The following KIFC3 variants were observed in gnomAD, a reference collection of about 807,000 sequenced individuals.
The protein encoded by KIFC3 is kinesin-like protein KIFC3.
KIFC3 carries 60 observed loss-of-function variants against 101.8 expected under a neutral mutation model. That is an observed-to-expected ratio of 0.59 (90% CI 0.48 to 0.73). KIFC3 has a LOEUF of 0.73. KIFC3 is among the 30% of genes least tolerant of loss of function. KIFC3 has a pLI of 0.00. For synonymous variants in KIFC3, 476 were observed against 482.7 expected, an observed-to-expected ratio of 0.99 and a Z score of 0.18; for missense variants, 966 against 1,137.1, an observed-to-expected ratio of 0.85 and a Z score of 2.16.
At chr16:57,832,322 T>A (rs980257042) in intron 1 of KIFC3, among the ~76,000 whole-genome samples, 6 of 43,982 alleles carry the variant, frequency 1.4e-4, no homozygotes, top group Non-Finnish European at 2.2e-4. Flanking sequence ...CGCCAGGCCC[T>A]TTTTTTTTTT....
At chr16:57,827,825 C>G (rs79120348) in intron 1 of KIFC3, among the ~76,000 whole-genome samples, 3,361 of 152,310 alleles carry the variant, frequency 0.022, 134 homozygotes, top group African/African-American at 0.075. Flanking sequence ...AAGATGAAAG[C>G]TGATTTGTCA....
chr16:57,769,495 C>T lies in KIFC3; in HGVS notation c.1218+100G>A, dbSNP rs1052826998. On this transcript the variant is annotated intron_variant, in intron 9 of 19. Transcript: ENST00000445690. This position sits in a 1 kb window ranked among gnomAD's most constrained non-coding sequence, Gnocchi z 4.3. Reference sequence around the variant, plus strand: ...GGTGGGGCAGGGGCTGCTGTCTGAGCGGCTTTGTCTGAGCTTTGGAGGGAC... The same window carrying T: ...GGTGGGGCAGGGGCTGCTGTCTGAGTGGCTTTGTCTGAGCTTTGGAGGGAC... 2.3e-5 allele frequency: 34 copies of T among 1,451,034 alleles called. No individual in the cohort carries two copies. The highest frequency in any genetic ancestry group is 2.5e-4 in the Middle Eastern group (1 of 3,956). 89.9% of individuals were successfully genotyped at this position (1,451,034 alleles called of 1,614,324 possible).
upstream of KIFC3, chr16:57,803,379 T>C (rs1386676100): frequency 1.7e-6 from 1 of 586,668 alleles, no homozygotes; most frequent in East Asian, 3.8e-5. Flanking sequence ...TCTCCCTCAC[T>C]CTCCACACCC....
At chr16:57,803,941 G>A (rs2054868561), upstream of KIFC3, among the ~76,000 whole-genome samples, 1 of 152,186 alleles carries the variant, frequency 6.6e-6, no homozygotes, top group Admixed American at 6.5e-5. Flanking sequence ...CTAGAATTCT[G>A]ATTTAGTATC....
chr16:57,831,064 C>T (rs1470093313), intron 1 of KIFC3, among the ~76,000 whole-genome samples: 2 of 152,142 alleles, frequency 1.3e-5, no homozygotes, highest in Admixed American at 6.6e-5. Flanking sequence ...CACACTTGAG[C>T]CTTGCAAGTC....
At chr16:57,798,688 A>C in intron 1 of KIFC3, 3 of 253,830 alleles carry the variant, frequency 1.2e-5, no homozygotes, top group Non-Finnish European at 1.5e-5. Flanking sequence ...ACTTAACCAC[A>C]TGCTTAACCC....
At position 57,765,429 on chromosome 16, in the gene KIFC3, T is replaced by C. The variant is rs1555601771; in HGVS notation, c.1512+30A>G. The C allele has an allele frequency of 2.6e-6, 4 of 1,548,124 alleles. No individual in the cohort carries two copies. The African/African-American group carries it at 4.1e-5, about 16-fold the overall frequency. ...GTCCATCTTTCCCTCTCTCCCTTGC[T>C]TTCCCTTTCCCGCATGGGGCCACAC... is the stretch of plus-strand genomic sequence containing the variant. On this transcript the variant is annotated intron_variant, in intron 11 of 19. Transcript: ENST00000445690.
intron 1 of KIFC3, among the ~76,000 whole-genome samples, chr16:57,811,954 A>T (rs1293081472): frequency 1.3e-5 from 2 of 150,018 alleles, no homozygotes; most frequent in Non-Finnish European, 1.5e-5. Context: ...GAGGCCAGAG[A>T]ATCACTTGAG....
chr16:57,816,921 C>T (rs2055240059), intron 1 of KIFC3: 3 of 360,960 alleles, frequency 8.3e-6, no homozygotes. Flanking sequence ...AGAATGATAA[C>T]AATAATAATC....
At chr16:57,813,057 G>A (rs998324366) in intron 1 of KIFC3, among the ~76,000 whole-genome samples, 7 of 152,226 alleles carry the variant, frequency 4.6e-5, no homozygotes, top group African/African-American at 1.4e-4. Context: ...GCCAGGCACA[G>A]TGGCTCATAC....
intron 2 of KIFC3, among the ~76,000 whole-genome samples, chr16:57,795,899 T>TG (rs1568048222): frequency 5.5e-5 from 8 of 145,948 alleles, no homozygotes; most frequent in East Asian, 2.0e-4. Flanking sequence ...TTTTTTTTTT[T>TG]TTTTTTTTTT....
intron 3 of KIFC3, among the ~76,000 whole-genome samples, chr16:57,787,772 G>A (rs1426152518): frequency 6.6e-6 from 1 of 152,208 alleles, no homozygotes. Context: ...CTGCAGAGGA[G>A]TGCCTGGGCC....
At chr16:57,807,831 G>A (rs2054969853), upstream of KIFC3, 2 of 151,434 alleles carry the variant, frequency 1.3e-5, no homozygotes, top group Non-Finnish European at 2.9e-5. Context: ...TCAGGAGGCT[G>A]AGGCGGGAGG....
rs557758544 is a variant in KIFC3, at chr16:57,763,779, C to T, written c.1617+364G>A. On this transcript the variant is annotated intron_variant, in intron 12 of 19. Transcript: ENST00000445690. Reference sequence around the variant, plus strand: ...CCACTCATCCCAGATCCCCCAGGCCCGGCCCAAGGCAGCGGTAAAGCAGGA... The same window carrying T: ...CCACTCATCCCAGATCCCCCAGGCCTGGCCCAAGGCAGCGGTAAAGCAGGA... Among the ~76,000 whole-genome samples the T allele has an allele frequency of 6.8e-4, 104 of 152,306 alleles. No individual in the cohort carries two copies. In the South Asian group the frequency reaches 0.02, roughly 29 times the overall value.
chr16:57,847,454 A>G (rs1163730146), intron 1 of KIFC3, among the ~76,000 whole-genome samples: 3 of 152,164 alleles, frequency 2.0e-5, no homozygotes, highest in Non-Finnish European at 2.9e-5. Context: ...TTTTGAAAAA[A>G]TTGTAGGACA....
intron 1 of KIFC3, among the ~76,000 whole-genome samples, chr16:57,811,621 G>T (rs2055076053): frequency 6.6e-6 from 1 of 151,962 alleles, no homozygotes; most frequent in Admixed American, 6.6e-5. Flanking sequence ...TACTTAGAAG[G>T]CCTGAGGCGT....
intron 3 of KIFC3, chr16:57,774,962 G>A: frequency 6.6e-7 from 1 of 1,524,152 alleles, no homozygotes; most frequent in Non-Finnish European, 8.8e-7. Context: ...GCCTCAGCAT[G>A]GGGCTGGGCG....
Position 57,815,361 on chromosome 16 carries a change from C to T in KIFC3, c.109-17079G>A, listed in dbSNP as rs143401198. 1.1e-4 allele frequency: 108 copies of T among 1,026,502 alleles called. 1 individual carries two copies. In the African/African-American group the frequency reaches 1.4e-3, roughly 13 times the overall value. The allele number at this position is 1,026,502 out of a possible 1,614,324, so 63.6% of individuals were successfully genotyped here. The stretch of plus-strand genomic sequence containing the variant: ...CGGGTTGCTTCTGTTAGCTCAAGGC[C>T]ACAGGTACATCTCTGTGCTTAGAGA... On this transcript the variant is annotated intron_variant, in intron 1 of 2. Coordinates refer to the KIFC3 transcript ENST00000563028.
intron 1 of KIFC3, among the ~76,000 whole-genome samples, chr16:57,843,054 A>G (rs545459131): frequency 1.3e-5 from 2 of 152,142 alleles, no homozygotes; most frequent in South Asian, 2.1e-4. Context: ...AATTGTTTGA[A>G]CCCAGGAGGC....
Sources: allele counts gnomAD v4.1 joint callset (sites outside exome capture counted in the v4.1 genomes callset), GRCh38; gene constraint gnomAD v4.1.1; non-coding constraint Gnocchi (gnomAD v3.1); transcripts MANE v1.5; gene names NCBI Gene and HGNC (gene_info 2026-07-23, HGNC 2026-07-21).